ABCC10: variants seen among roughly 807,000 people sequenced by gnomAD.
The protein encoded by ABCC10 is ATP binding cassette subfamily C member 10, also known as ATP-binding cassette sub-family C member 10.
In ABCC10, 110 loss-of-function variants were observed where a neutral mutation model predicts 143.2. The observed-to-expected ratio is 0.77, with a 90% CI of 0.66 to 0.90. The LOEUF is 0.90. Ranked by LOEUF, ABCC10 falls within the 40% of genes least tolerant of loss-of-function variation. The pLI, the probability that ABCC10 is intolerant of heterozygous loss-of-function variation, is 0.00. For missense variants in ABCC10, 1,700 were observed against 1,900.5 expected, an observed-to-expected ratio of 0.89 and a Z score of 1.96; for synonymous variants, 805 against 846.7, an observed-to-expected ratio of 0.95 and a Z score of 0.85.
chr6:43,449,607 G>A, intron 21 of ABCC10, 73 bp downstream of exon 21: 2 of 1,272,316 alleles, frequency 1.6e-6, no homozygotes, highest in Non-Finnish European at 2.2e-6. Context: ...TTGCTTTCAG[G>A]GACCCCAGTG....
intron 8 of ABCC10, among the ~76,000 whole-genome samples, chr6:43,439,937 G>A (rs1782182438): frequency 6.6e-6 from 1 of 151,466 alleles, no homozygotes; most frequent in African/African-American, 2.4e-5. Context: ...CAGATTTTAT[G>A]TAAAAGCTTT....
chr6:43,434,580 G>A (rs1781484874), intron 3 of ABCC10, 41 bp from the exon 4 acceptor site: 3 of 1,568,924 alleles, frequency 1.9e-6, no homozygotes, highest in Non-Finnish European at 2.6e-6. Flanking sequence ...CACATGAGCA[G>A]TGCCTCCACT....
chr6:43,445,044 G>A (rs1448218473), intron 13 of ABCC10, 81 bp from the exon 14 acceptor site: 14 of 1,587,682 alleles, frequency 8.8e-6, no homozygotes, highest in Non-Finnish European at 1.2e-5. Context: ...CTGGAGGGTG[G>A]GAGAGATGGC....
In ABCC10 at chr6:43,449,036, G is replaced by A; in HGVS notation, c.4105+10G>A. ...GTGATTACATCCATGGGTGAGTGCTGGACCCTGACCTTAGAGCAAGAAGGG... is the reference window on the plus strand; with the variant it reads ...GTGATTACATCCATGGGTGAGTGCTAGACCCTGACCTTAGAGCAAGAAGGG... On this transcript the variant is annotated intron_variant, in intron 19 of 21. Coordinates refer to ENST00000372530, the MANE Select transcript of ABCC10 (RefSeq NM_001198934.2). 1 of 1,613,752 alleles carries A rather than the reference G, an allele frequency of 6.2e-7. No individual in the cohort carries two copies. The highest frequency in any genetic ancestry group is 1.1e-5 in the South Asian group (1 of 91,064).
chr6:43,438,350 C>T, intron 7 of ABCC10: 1 of 1,416,398 alleles, frequency 7.1e-7, no homozygotes, highest in South Asian at 1.6e-5. Context: ...GGAACAAGTA[C>T]AATGTGGTGG....
chr6:43,448,859 A>C, intron 18 of ABCC10, 22 bp from the exon 19 acceptor site: 1 of 1,595,554 alleles, frequency 6.3e-7, no homozygotes, highest in Non-Finnish European at 8.5e-7. Context: ...CAACCACTAG[A>C]CTCCATGTCA....
chr6:43,430,226 G>A (rs1780982064), intron 2 of ABCC10, among the ~76,000 whole-genome samples: 1 of 152,022 alleles, frequency 6.6e-6, no homozygotes, highest in Non-Finnish European at 1.5e-5. Context: ...GAGTAGCTGA[G>A]ACTACAGGCA....
At chr6:43,431,851 A>G in intron 2 of ABCC10, 2 of 1,273,240 alleles carry the variant, frequency 1.6e-6, no homozygotes, top group Non-Finnish European at 2.0e-6. Context: ...AAAATTGTTA[A>G]TGTCTGTGGT....
rs1364540464 is a variant in ABCC10 at position 43,447,281 on chromosome 6, C to A, written c.3578C>A (p.Ser1193Tyr). The change falls in exon 17 of 22, where the codon TCC (serine) becomes TAC (tyrosine). Residue 1193 changes from serine to tyrosine, a missense_variant. Transcript: ENST00000372530. ...LVGLSLSYAL[S>Y]LTGLLSGLVS... ...GGCTTGTCGCTGTCTTATGCCCTGT[C>A]CCTGACGGGCCTGCTCTCGGGCCTG... 5 of 1,613,798 alleles carry A rather than the reference C, an allele frequency of 3.1e-6. No homozygotes were observed. The Admixed American group carries it at 5.0e-5, about 16-fold the overall frequency.
rs188928106 is a variant in ABCC10 at position 43,431,118 on chromosome 6, T to C, written c.162-1024T>C. Among the ~76,000 whole-genome samples, 300 of 152,300 alleles carry C rather than the reference T, an allele frequency of 2.0e-3. 2 individuals carry two copies. Among genetic ancestry groups the C allele is most frequent in the Admixed American group, 0.017 (263 of 15,288 alleles). ...ATATAAACACAAGCAAAAAGAGATA[T>C]TTTTCTTTAGCTAAAGGAGTCGCAA... On this transcript the variant is annotated intron_variant, in intron 2 of 21. Coordinates refer to ENST00000372530, the MANE Select transcript of ABCC10 (RefSeq NM_001198934.2).
chr6:43,448,107 G>T (rs1335412655), intron 18 of ABCC10, 170 bp downstream of exon 18: 1 of 1,058,826 alleles, frequency 9.4e-7, no homozygotes, highest in East Asian at 2.6e-5. Flanking sequence ...TAGTGCCCAG[G>T]TCCAGATTCA....
At position 43,436,266 on chromosome 6, in the gene ABCC10, C is replaced by G. The variant is rs201731030; in HGVS notation, c.1875+19C>G. 1.1e-5 allele frequency: 17 copies of G among 1,611,018 alleles called. No homozygotes were observed. Among genetic ancestry groups the G allele is most frequent in the Non-Finnish European group, 1.4e-5 (16 of 1,178,560 alleles). On this transcript the variant is annotated intron_variant, in intron 6 of 21. Transcript: ENST00000372530. ...GAAAAAGGTTTGTTGGACAGACACCCTGGGAGAGTCCTCAGACTAACGAGA... is the reference window on the plus strand; with the variant it reads ...GAAAAAGGTTTGTTGGACAGACACCGTGGGAGAGTCCTCAGACTAACGAGA...
intron 21 of ABCC10, 44 bp downstream of exon 21, chr6:43,449,578 C>A: frequency 6.6e-7 from 1 of 1,526,638 alleles, no homozygotes; most frequent in Non-Finnish European, 9.0e-7. Context: ...ACTGTGGTAG[C>A]ATGCACCGAG....
At chr6:43,437,745 C>T (rs540441542) in intron 6 of ABCC10, among the ~76,000 whole-genome samples, 189 bp from the exon 7 acceptor site, 39 of 152,286 alleles carry the variant, frequency 2.6e-4, no homozygotes, top group Admixed American at 5.2e-4. Context: ...GAAAAAAACA[C>T]CCTACTTTTC....
In ABCC10 at chr6:43,434,848, G is replaced by C. The variant is rs1208345880; in HGVS notation, c.1608G>C (p.Lys536Asn). Residue 536 changes from lysine (K) to asparagine (N), a missense_variant and splice_region_variant, in exon 4 of 22, where the codon AAG becomes AAC. Lys to Asn is a moderately conservative substitution (Grantham distance 94). Coordinates refer to ENST00000372530, the MANE Select transcript of ABCC10 (RefSeq NM_001198934.2). Reference sequence around the variant, plus strand: ...TGGGGCACCAGCTCACTGCCACCAAGGTGAGGACCAGGAAGGAAGGGGACC... The same window carrying C: ...TGGGGCACCAGCTCACTGCCACCAACGTGAGGACCAGGAAGGAAGGGGACC... ...VLMGHQLTAT[K>N]VFTALALVRM... 1 of 1,613,738 alleles carries C rather than the reference G, an allele frequency of 6.2e-7. No homozygotes were observed. The highest frequency in any genetic ancestry group is 2.2e-5 in the East Asian group (1 of 44,880).
In ABCC10 at chr6:43,437,957, G is replaced by T; in HGVS notation, c.1899G>T (p.Gly633=). ...VKKGMLVGIV[G]KVGCGKSSLL... ...AGGGTATGCTGGTGGGCATCGTGGG[G>T]AAGGTCGGCTGTGGGAAGAGCTCCC... Residue 633 remains glycine (G), a synonymous_variant, in exon 7 of 22, where the codon GGG becomes GGT. Coordinates refer to ENST00000372530, the MANE Select transcript of ABCC10 (RefSeq NM_001198934.2). 1.2e-6 allele frequency: 2 copies of T among 1,613,354 alleles called. No individual in the cohort carries two copies. The highest frequency in any genetic ancestry group is 1.7e-4 in the Middle Eastern group (1 of 6,058).
chr6:43,434,963 C>G, intron 4 of ABCC10, 115 bp downstream of exon 4: 1 of 1,127,174 alleles, frequency 8.9e-7, no homozygotes, highest in Non-Finnish European at 1.3e-6. Context: ...ACTGCCTCAT[C>G]TCTCAACCAA....
chr6:43,443,214 G>A lies in ABCC10; in HGVS notation c.2416+55G>A, dbSNP rs929063767. The stretch of plus-strand genomic sequence containing the variant: ...AGGTGTCTGCCCAGGTCTGGCAGGG[G>A]ATTGTGAAGTACAGACTCTGCCCCC... On this transcript the variant is annotated intron_variant, in intron 10 of 21. Coordinates refer to ENST00000372530, the MANE Select transcript of ABCC10 (RefSeq NM_001198934.2). The surrounding 1 kb of genome is among the most constrained non-coding windows in gnomAD (Gnocchi z 4.2). 7.3e-6 allele frequency: 11 copies of A among 1,502,186 alleles called. No individual in the cohort carries two copies. In the South Asian group the frequency reaches 1.4e-4, roughly 19 times the overall value. The allele number at this position is 1,502,186 out of a possible 1,614,324, so 93.1% of individuals were successfully genotyped here. A position where few individuals can be genotyped will look rare whatever the true frequency, so the allele number is the denominator to read the frequency against.
At chr6:43,434,869 G>C in intron 4 of ABCC10, 21 bp downstream of exon 4, 1 of 1,608,476 alleles carries the variant, frequency 6.2e-7, no homozygotes, top group Non-Finnish European at 8.5e-7. Context: ...GGAAGGAAGG[G>C]GACCAGCATC....
Sources: gnomAD v4.1 joint callset for allele counts (sites outside exome capture counted in the v4.1 genomes callset) on GRCh38, gnomAD v4.1.1 for gene constraint, Gnocchi (gnomAD v3.1) non-coding constraint, MANE v1.5 for transcripts, NCBI Gene and HGNC (gene_info 2026-07-23, HGNC 2026-07-21) for gene names.